NLRP13: variants seen among roughly 807,000 people sequenced by gnomAD.
The protein encoded by NLRP13 is NLR family pyrin domain containing 13.
In NLRP13, 82 loss-of-function variants were observed where a neutral mutation model predicts 94.4. That is an observed-to-expected ratio of 0.87 (90% confidence interval 0.73 to 1.04). The LOEUF (loss-of-function observed/expected upper bound fraction) is 1.04, where lower values mean the gene tolerates loss of function less well. Ranked by LOEUF, NLRP13 falls within the 50% of genes least tolerant of loss-of-function variation. The pLI, the probability that NLRP13 is intolerant of heterozygous loss-of-function variation, is 0.00. For missense variants in NLRP13, 1,426 were observed against 1,230.8 expected, an observed-to-expected ratio of 1.16 and a Z score of -2.37; for synonymous variants, 553 against 464.7, an observed-to-expected ratio of 1.19 and a Z score of -2.45.
downstream of NLRP13, among the ~76,000 whole-genome samples, chr19:55,894,089 C>T (rs575588578): frequency 3.4e-5 from 5 of 147,918 alleles, no homozygotes; most frequent in Admixed American, 2.7e-4. Flanking sequence ...CTCTGTTACC[C>T]AGGCTGGAGT....
chr19:55,924,685 T>C (rs1289503629), intron 2 of NLRP13, 27 bp from the exon 3 acceptor site: 1 of 1,593,092 alleles, frequency 6.3e-7, no homozygotes, highest in Non-Finnish European at 8.6e-7. Context: ...CGATGAGATA[T>C]GAAAATACCC....
intron 9 of NLRP13, among the ~76,000 whole-genome samples, chr19:55,899,775 GT>G (rs1041862691): frequency 6.6e-6 from 1 of 152,044 alleles, no homozygotes; most frequent in African/African-American, 2.4e-5. Context: ...GCAAGAGTCT[GT>G]TTAAAAAAAA....
rs1469401933 is a variant in NLRP13 at position 55,932,281 on chromosome 19, C to T, written c.31G>A (p.Gly11Ser). MNFSVITCPN[G>S]GTNQGLLPYL... ...GGCAGAAGCCCTTGGTTGGTACCAC[C>T]GTTGGGGCAGGTGATTACAGAAAAG... is the stretch of plus-strand genomic sequence containing the variant. The change falls in exon 1 of 11, where the codon GGT becomes AGT. Residue 11 changes from glycine to serine, a missense_variant. Coordinates refer to ENST00000342929, the MANE Select transcript of NLRP13 (RefSeq NM_176810.2). 8.7e-6 allele frequency: 14 copies of T among 1,608,356 alleles called. No individual in the cohort carries two copies. The highest frequency in any genetic ancestry group is 2.7e-5 in the African/African-American group (2 of 74,496).
Position 55,911,753 on chromosome 19 carries a change from C to A in NLRP13, c.2064G>T (p.Arg688Ser). ...LKHCKRLNKL[R>S]LSVSSHILER... ...CAAGGATGTGACTGCTAACAGAAAG[C>A]CTTAGCTTATTTAACCTTTTACAGT... Residue 688 changes from arginine (R) to serine (S), a missense_variant, in exon 5 of 11, where the codon AGG becomes AGT. Coordinates refer to ENST00000342929, the MANE Select transcript of NLRP13 (RefSeq NM_176810.2). 2 of 1,613,350 alleles carry A rather than the reference C, an allele frequency of 1.2e-6. No individual in the cohort carries two copies. The highest frequency in any genetic ancestry group is 1.7e-6 in the Non-Finnish European group (2 of 1,179,646).
chr19:55,929,444 C>T (rs570156407), intron 1 of NLRP13, among the ~76,000 whole-genome samples: 48 of 152,146 alleles, frequency 3.2e-4, no homozygotes, highest in East Asian at 2.5e-3. Context: ...ACTATGCAGC[C>T]GTAAAAAAGG....
chr19:55,917,066 G>C (rs1451738423), intron 4 of NLRP13, among the ~76,000 whole-genome samples: 1 of 152,090 alleles, frequency 6.6e-6, no homozygotes, highest in Non-Finnish European at 1.5e-5. Context: ...AATTTCAAAG[G>C]TTTTTTGTTT....
At chr19:55,915,506 G>A (rs1211683805) in intron 4 of NLRP13, among the ~76,000 whole-genome samples, 1 of 152,164 alleles carries the variant, frequency 6.6e-6, no homozygotes, top group Admixed American at 6.5e-5. Context: ...GCTGAGGCAG[G>A]AGAATCACTT....
At chr19:55,921,209 T>C (rs1002067571) in intron 4 of NLRP13, among the ~76,000 whole-genome samples, 2 of 152,126 alleles carry the variant, frequency 1.3e-5, no homozygotes, top group African/African-American at 4.8e-5. Context: ...AGCTCAGACT[T>C]TACCACTACA....
chr19:55,896,820 C>CA (rs3073244), intron 10 of NLRP13, among the ~76,000 whole-genome samples: 8,034 of 80,800 alleles, frequency 0.099, 760 homozygotes, highest in Non-Finnish European at 0.15. Context: ...CTCCATCTCA[C>CA]AAAAAAAAAA....
intron 5 of NLRP13, 71 bp from the exon 6 acceptor site, chr19:55,910,804 G>T: frequency 8.0e-7 from 1 of 1,250,192 alleles, no homozygotes; most frequent in Non-Finnish European, 1.1e-6. Context: ...TACAACCTAC[G>T]GGACACAGAA....
downstream of NLRP13, among the ~76,000 whole-genome samples, chr19:55,892,463 C>T (rs912436262): frequency 6.6e-6 from 1 of 152,074 alleles, no homozygotes; most frequent in East Asian, 1.9e-4. Context: ...ACTTTGTCAC[C>T]CAGGCTGGAG....
At chr19:55,909,885 A>G (rs1385163024) in intron 6 of NLRP13, among the ~76,000 whole-genome samples, 1 of 152,100 alleles carries the variant, frequency 6.6e-6, no homozygotes, top group East Asian at 1.9e-4. Context: ...CTCCTTCCCT[A>G]CACTGAGTCA....
Position 55,905,112 on chromosome 19 carries a change from G to T in NLRP13, c.2448C>A (p.Cys816Ter), listed in dbSNP as rs147368462. ...CTGCCGACAAGTTGCATTTCTCCAG[G>T]CTGTGGAAGGTGCAGGTGCAAGGTG... ...RHSACNLKYL[C>*]LEKCNLSAAS... Residue 816 changes from cysteine to a stop codon, truncating the protein, a stop_gained and splice_region_variant, in exon 8 of 11, where the codon TGC becomes TGA. Coordinates refer to ENST00000342929, the MANE Select transcript of NLRP13 (RefSeq NM_176810.2). LOFTEE classifies it high-confidence loss of function. 3.7e-6 allele frequency: 6 copies of T among 1,613,490 alleles called. No individual in the cohort carries two copies. The highest frequency in any genetic ancestry group is 4.2e-6 in the Non-Finnish European group (5 of 1,179,774).
intron 4 of NLRP13, among the ~76,000 whole-genome samples, chr19:55,917,713 C>G (rs911168606): frequency 2.6e-5 from 4 of 151,656 alleles, no homozygotes; most frequent in Non-Finnish European, 4.4e-5. Flanking sequence ...GGGATCAATT[C>G]AAGAAGATAT....
In NLRP13 at chr19:55,901,862, T is replaced by G. The variant is rs557135655; in HGVS notation, c.2789+173A>C. 3.3e-5 allele frequency among the ~76,000 whole-genome samples: 5 copies of G among 152,046 alleles called. No homozygotes were observed. The South Asian group carries it at 1.0e-3, about 32-fold the overall frequency. ...TCGAGGTCCCCCAGACACACACACA[T>G]TCACGGTCCTCCCACTTTCCCCATC... On this transcript the variant is annotated intron_variant, in intron 9 of 10. Coordinates refer to ENST00000342929, the MANE Select transcript of NLRP13 (RefSeq NM_176810.2).
chr19:55,921,499 A>G (rs1986825170), intron 4 of NLRP13, among the ~76,000 whole-genome samples: 1 of 152,240 alleles, frequency 6.6e-6, no homozygotes, highest in Non-Finnish European at 1.5e-5. Flanking sequence ...GACATTTATC[A>G]AAGTATTGCT....
At position 55,913,172 on chromosome 19, in the gene NLRP13, C is replaced by A; in HGVS notation, c.645G>T (p.Leu215=). ...TCCTATTAGGATCCAGTAGGCGCTG[C>A]AGTTCCTCATGTTCGTCCTTTGATG... ...RNTSKDEHEE[L]QRLLDPNRTR... Residue 215 remains leucine (L), a synonymous_variant, in exon 5 of 11, where the codon CTG becomes CTT. Transcript: ENST00000342929. 6.2e-7 allele frequency: 1 copy of A among 1,614,118 alleles called. No individual in the cohort carries two copies. Among genetic ancestry groups the A allele is most frequent in the Non-Finnish European group, 8.5e-7 (1 of 1,180,022 alleles).
intron 4 of NLRP13, among the ~76,000 whole-genome samples, chr19:55,916,851 A>G (rs564106882): frequency 5.9e-5 from 9 of 152,040 alleles, no homozygotes; most frequent in African/African-American, 2.2e-4. Context: ...GCATCCAAAT[A>G]TAAGAGGATT....
Position 55,902,107 on chromosome 19 carries a change from C to T in NLRP13, c.2717G>A (p.Ser906Asn), listed in dbSNP as rs747943792. Residue 906 changes from serine to asparagine, a missense_variant, in exon 9 of 11, where the codon AGC becomes AAC. Transcript: ENST00000342929. ...GAACTTGACTCCCTCGTCTCTCAGG[C>T]TGTTCTTGCTCAGATTCAGGTGTGT... ...SLTHLNLSKN[S>N]LRDEGVKFLC... The T allele has an allele frequency of 3.1e-6, 5 of 1,614,056 alleles. No homozygotes were observed. The East Asian group carries it at 8.9e-5, about 29-fold the overall frequency.
Sources: gnomAD v4.1 joint callset for allele counts (sites outside exome capture counted in the v4.1 genomes callset) on GRCh38, gnomAD v4.1.1 for gene constraint, MANE v1.5 for transcripts, NCBI Gene and HGNC (gene_info 2026-07-23, HGNC 2026-07-21) for gene names.